Variants in FBXL3 observed in about 807,000 individuals in gnomAD.
FBXL3 encodes the protein F-box and leucine rich repeat protein 3.
FBXL3 carries 14 observed loss-of-function variants against 37.9 expected under a neutral mutation model. The ratio of observed to expected loss-of-function variants is 0.37; its 90% CI spans 0.24 to 0.58. The LOEUF (loss-of-function observed/expected upper bound fraction) is 0.58. FBXL3 is among the 20% of genes least tolerant of loss of function. The pLI, the probability that FBXL3 is intolerant of heterozygous loss-of-function variation, is 0.74. For synonymous variants in FBXL3, 194 were observed against 180.1 expected (o/e 1.08, Z -0.62); for missense variants, 327 against 511.1 (o/e 0.64, Z 3.47).
chr13:77,007,796 G>GAA lies in FBXL3; in HGVS notation c.644-10_644-9dup. 1.4e-6 allele frequency: 2 copies of GAA among 1,471,896 alleles called. No homozygotes were observed. 91.2% of individuals were successfully genotyped at this position (1,471,896 alleles called of 1,614,324 possible). A position where few individuals can be genotyped will look rare whatever the true frequency, so the allele number is the denominator to read the frequency against. Reference sequence around the variant, plus strand: ...CAGCCACACAAAGGATACCTTGAAAGAAAAAAAAAATTATTTGCAAGTTTT... The same window carrying GAA: ...CAGCCACACAAAGGATACCTTGAAAGAAAAAAAAAAAATTATTTGCAAGTTTT... On this transcript the variant is annotated splice_polypyrimidine_tract_variant and intron_variant, in intron 4 of 4. Coordinates refer to ENST00000355619, the MANE Select transcript of FBXL3 (RefSeq NM_012158.4).
At chr13:77,025,445 G>T (rs1317374384) in intron 1 of FBXL3, among the ~76,000 whole-genome samples, 2 of 152,180 alleles carry the variant, frequency 1.3e-5, no homozygotes, top group Non-Finnish European at 2.9e-5. Context: ...CTTTCCAGGT[G>T]GGCGCGGTGG....
intron 4 of FBXL3, chr13:77,012,777 T>G (rs1164389261): frequency 2.0e-5 from 3 of 152,182 alleles, no homozygotes; most frequent in Non-Finnish European, 4.4e-5. Context: ...GTATTACAAG[T>G]GTTCTTTCTT....
At chr13:77,015,153 CTCT>C (rs1237054979) in intron 4 of FBXL3, 3 of 260,574 alleles carry the variant, frequency 1.2e-5, no homozygotes, top group Non-Finnish European at 2.1e-5. Context: ...CTGTCCTTTC[CTCT>C]TTTTTTTCCT....
At chr13:77,023,396 T>C (rs374953958) in intron 1 of FBXL3, among the ~76,000 whole-genome samples, 25 of 151,982 alleles carry the variant, frequency 1.6e-4, no homozygotes, top group African/African-American at 5.3e-4. Flanking sequence ...GCAAGTGAGC[T>C]TGTGTACGAG....
At chr13:77,026,719 C>G (rs1337177130) in intron 1 of FBXL3, 108 bp downstream of exon 1, 6 of 137,960 alleles carry the variant, frequency 4.3e-5, no homozygotes, top group Middle Eastern at 7.5e-3. Context: ...GCCCCGGCCC[C>G]CGCGCCCCCC....
rs543642909 is a variant in FBXL3 at position 77,006,669 on chromosome 13, T to C, written c.*476A>G. ...AGAACATTCATCCAATCTTTTCCAT[T>C]AGATATGATATATTCATTTTTCTCA... On this transcript the variant is annotated 3_prime_UTR_variant, in exon 5 of 5. Transcript: ENST00000355619. 3.4e-6 allele frequency: 1 copy of C among 295,270 alleles called. No homozygotes were observed. The highest frequency in any genetic ancestry group is 1.3e-4 in the South Asian group (1 of 7,660). 18.3% of individuals were successfully genotyped at this position (295,270 alleles called of 1,614,324 possible).
At chr13:77,013,071 G>C (rs1046978877) in intron 4 of FBXL3, 1 of 152,214 alleles carries the variant, frequency 6.6e-6, no homozygotes, top group East Asian at 1.9e-4. Context: ...AACGTGCCCA[G>C]CTGTATTAAA....
At position 77,018,647 on chromosome 13, in the gene FBXL3, G is replaced by C. The variant is rs775314543; in HGVS notation, c.424C>G (p.Leu142Val). ...GGTCGAGCAGTTGAAATAAGTCCAA[G>C]TGTTTTTAAAGAGCAATTCACAAGT... ...SQLVNCSLKT[L>V]GLISTARPSF... Residue 142 changes from leucine to valine, a missense_variant, in exon 3 of 5, where the codon CTT becomes GTT. Transcript: ENST00000355619. The C allele has an allele frequency of 2.5e-6, 4 of 1,597,698 alleles. No individual in the cohort carries two copies. In the South Asian group the frequency reaches 3.4e-5, roughly 14 times the overall value.
rs201358148 is a variant in FBXL3, at chr13:77,018,777, T to C, written c.349-55A>G. The C allele has an allele frequency of 2.1e-3, 3,024 of 1,429,394 alleles. 27 individuals are homozygous for C. The highest frequency in any genetic ancestry group is 0.018 in the South Asian group (1,123 of 62,164). The allele number at this position is 1,429,394 out of a possible 1,614,324, so 88.5% of individuals were successfully genotyped here. A position where few individuals can be genotyped will look rare whatever the true frequency, so the allele number is the denominator to read the frequency against. ...ATATTTTATTATTTTTTTACTTTTT[T>C]CCCCAAATACCCAGACTTCAAGATT... On this transcript the variant is annotated intron_variant, in intron 2 of 4. Transcript: ENST00000355619.
At chr13:77,018,474 A>C (rs2034683906) in intron 3 of FBXL3, 126 bp downstream of exon 3, 2 of 589,560 alleles carry the variant, frequency 3.4e-6, no homozygotes, top group Admixed American at 4.0e-5. Context: ...CATCCTAAAT[A>C]GTAACTGGTT....
chr13:77,010,077 G>C (rs548564174), intron 4 of FBXL3: 1 of 152,264 alleles, frequency 6.6e-6, no homozygotes, highest in African/African-American at 2.4e-5. Flanking sequence ...CACCGGGAGG[G>C]GAACCTCACA....
intron 1 of FBXL3, among the ~76,000 whole-genome samples, chr13:77,025,999 C>CATAT (rs747823693): frequency 1.1e-4 from 16 of 151,208 alleles, no homozygotes; most frequent in Non-Finnish European, 1.9e-4. Context: ...GTCTACAGGT[C>CATAT]ATATAGATAG....
intron 3 of FBXL3, chr13:77,018,207 A>T (rs1051248408): frequency 7.2e-5 from 11 of 153,088 alleles, no homozygotes; most frequent in African/African-American, 2.7e-4. Context: ...TTGCCAAAAG[A>T]TTTTAGAAGC....
chr13:77,015,578 A>G lies in FBXL3; in HGVS notation c.474T>C (p.Ser158=). 6.6e-7 allele frequency: 1 copy of G among 1,506,872 alleles called. No homozygotes were observed. The highest frequency in any genetic ancestry group is 8.8e-7 in the Non-Finnish European group (1 of 1,129,944). 93.3% of individuals were successfully genotyped at this position (1,506,872 alleles called of 1,614,324 possible). A position where few individuals can be genotyped will look rare whatever the true frequency, so the allele number is the denominator to read the frequency against. The change falls in exon 4 of 5, where the codon TCT becomes TCC. Residue 158 remains serine (S), a splice_region_variant and synonymous_variant. Coordinates refer to ENST00000355619, the MANE Select transcript of FBXL3 (RefSeq NM_012158.4). The part of the protein sequence containing the change: ...ARPSFMDLPK[S]HFISALTVVF... ...CAACTGTCAGTGCAGAGATAAAGTG[A>G]GACTGAAAAGCAAAAAAAATAAAAT...
At chr13:77,026,539 C>T (rs74096174) in intron 1 of FBXL3, among the ~76,000 whole-genome samples, 6,165 of 152,276 alleles carry the variant, frequency 0.04, 234 homozygotes, top group African/African-American at 0.098. Context: ...CGCGGCGAAC[C>T]CGGGAGCGGC....
chr13:77,021,476 ATACTT>A (rs765098171), intron 2 of FBXL3, 32 bp downstream of exon 2: 83 of 1,503,176 alleles, frequency 5.5e-5, no homozygotes, highest in African/African-American at 7.0e-5. Flanking sequence ...GCCACTAAAA[ATACTT>A]TATTTTTTAA....
rs1286933382 is a variant in FBXL3, at chr13:77,006,870, C to G, written c.*275G>C. The G allele has an allele frequency of 8.2e-7, 1 of 1,212,844 alleles. No individual in the cohort carries two copies. The highest frequency in any genetic ancestry group is 1.0e-6 in the Non-Finnish European group (1 of 971,880). 75.1% of individuals were successfully genotyped at this position (1,212,844 alleles called of 1,614,324 possible). On this transcript the variant is annotated 3_prime_UTR_variant, in exon 5 of 5. Coordinates refer to ENST00000355619, the MANE Select transcript of FBXL3 (RefSeq NM_012158.4). ...ACATATAGGTTTTGTTTCCTTTAGA[C>G]TGTAAACTGTTTAATACGTATAACT...
intron 1 of FBXL3, among the ~76,000 whole-genome samples, chr13:77,022,338 T>A (rs1235198782): frequency 2.6e-5 from 4 of 152,108 alleles, no homozygotes; most frequent in African/African-American, 7.2e-5. Context: ...TATACAGGGG[T>A]CCTGTGGTTC....
intron 2 of FBXL3, 37 bp from the exon 3 acceptor site, chr13:77,018,759 ATTATT>A (rs372367778): frequency 6.7e-7 from 1 of 1,484,082 alleles, no homozygotes; most frequent in East Asian, 2.4e-5. Context: ...TGAATATTTT[ATTATT>A]TTTTTACTTT....
Sources: gnomAD v4.1 joint callset for allele counts (sites outside exome capture counted in the v4.1 genomes callset) on GRCh38, gnomAD v4.1.1 for gene constraint, MANE v1.5 for transcripts, NCBI Gene and HGNC (gene_info 2026-07-23, HGNC 2026-07-21) for gene names.